The following PIGZ variants were observed in gnomAD, a reference collection of about 807,000 sequenced individuals.
The protein encoded by PIGZ is GPI alpha-1,2-mannosyltransferase 4.
In PIGZ, 16 loss-of-function variants were observed where a neutral mutation model predicts 16.4. That is an observed-to-expected ratio of 0.97 (90% CI 0.66 to 1.48). The LOEUF (loss-of-function observed/expected upper bound fraction) is 1.48, where lower values mean the gene tolerates loss of function less well. Ranked by LOEUF, PIGZ falls within the 40% of genes most tolerant of loss-of-function variation. The pLI is 0.00. For missense variants in PIGZ, 770 were observed against 739.2 expected (o/e 1.04, Z -0.48); for synonymous variants, 409 against 338.4 (o/e 1.21, Z -2.29).
At chr3:196,954,358 T>A (rs1439878538) in intron 1 of PIGZ, among the ~76,000 whole-genome samples, 2 of 152,218 alleles carry the variant, frequency 1.3e-5, no homozygotes, top group African/African-American at 4.8e-5. Flanking sequence ...CTATCAAACA[T>A]TAGAAATTAA....
chr3:196,947,943 C>T lies in PIGZ; in HGVS notation c.954G>A (p.Leu318=). 6.2e-7 allele frequency: 1 copy of T among 1,613,538 alleles called. No individual in the cohort carries two copies. The highest frequency in any genetic ancestry group is 2.2e-5 in the East Asian group (1 of 44,874). ...CGAAGAGCAGGAAGCCGTTGACTGCCAGGTGAGTGAGCCGCGCGTGCGTGC... is the reference window on the plus strand; with the variant it reads ...CGAAGAGCAGGAAGCCGTTGACTGCTAGGTGAGTGAGCCGCGCGTGCGTGC... ...RHGTHARLTH[L]AVNGFLLFGV... is the part of the protein sequence containing the mutation. The change falls in exon 3 of 3, where the codon CTG becomes CTA. Residue 318 remains leucine, a synonymous_variant. Transcript: ENST00000412723.
chr3:196,950,985 A>G (rs1717258132), intron 2 of PIGZ, among the ~76,000 whole-genome samples: 1 of 152,164 alleles, frequency 6.6e-6, no homozygotes, highest in Admixed American at 6.5e-5. Flanking sequence ...ACCTCAGGTG[A>G]TCCACCTGCC....
At chr3:196,968,571 G>C (rs1718034139) in intron 1 of PIGZ, 116 bp downstream of exon 1, 1 of 152,330 alleles carries the variant, frequency 6.6e-6, no homozygotes, top group Non-Finnish European at 1.5e-5. Flanking sequence ...CTCCTCCCTA[G>C]AGGCTGGGCC....
chr3:196,947,126 A>T lies in PIGZ; in HGVS notation c.*31T>A, dbSNP rs376080284. On this transcript the variant is annotated 3_prime_UTR_variant, in exon 3 of 3. Transcript: ENST00000412723. Reference sequence around the variant, plus strand: ...GGTGGGGCGGCATCTTCTATGGCTGAGTCTTGGGCAGTGGGTGCTCTGTCA... The same window carrying T: ...GGTGGGGCGGCATCTTCTATGGCTGTGTCTTGGGCAGTGGGTGCTCTGTCA... 1,738 of 1,511,746 alleles carry T rather than the reference A, an allele frequency of 1.1e-3. 2 individuals carry two copies. Among genetic ancestry groups the T allele is most frequent in the Admixed American group, 2.9e-3 (130 of 45,534 alleles). 93.6% of individuals were successfully genotyped at this position (1,511,746 alleles called of 1,614,324 possible).
At position 196,947,906 on chromosome 3, in the gene PIGZ, C is replaced by G. The variant is rs868458268; in HGVS notation, c.991G>C (p.Ala331Pro). The G allele has an allele frequency of 6.2e-7, 1 of 1,614,010 alleles. No homozygotes were observed. The highest frequency in any genetic ancestry group is 1.3e-5 in the African/African-American group (1 of 75,062). Reference sequence around the variant, plus strand: ...TGCCACGCAGCCTGCAGGGCCTGGGCATGCAGCACCCCGAAGAGCAGGAAG... The same window carrying G: ...TGCCACGCAGCCTGCAGGGCCTGGGGATGCAGCACCCCGAAGAGCAGGAAG... ...NGFLLFGVLH[A>P]QALQAAWQRL... Residue 331 changes from alanine (A) to proline (P), a missense_variant, in exon 3 of 3, where the codon GCC becomes CCC. Ala to Pro is a conservative substitution (Grantham distance 27). Transcript: ENST00000412723.
intron 1 of PIGZ, among the ~76,000 whole-genome samples, chr3:196,958,719 G>T (rs1001212124): frequency 1.3e-5 from 2 of 152,184 alleles, no homozygotes; most frequent in African/African-American, 4.8e-5. Flanking sequence ...GATTATATTT[G>T]TTTATTCTTA....
In PIGZ at chr3:196,947,396, T is replaced by A. The variant is rs1716938302; in HGVS notation, c.1501A>T (p.Ser501Cys). 7.4e-6 allele frequency: 12 copies of A among 1,613,970 alleles called. No individual in the cohort carries two copies. Among genetic ancestry groups the A allele is most frequent in the Non-Finnish European group, 1.0e-5 (12 of 1,180,026 alleles). The change falls in exon 3 of 3, where the codon AGC becomes TGC. Residue 501 changes from serine (S) to cysteine (C), a missense_variant. Ser to Cys is a moderately radical substitution (Grantham distance 112). Coordinates refer to ENST00000412723, the MANE Select transcript of PIGZ (RefSeq NM_025163.4). ...EDWALCQTLK[S>C]FTRQPACQVA... ...TGGCAGGCTGGTTGTCTGGTGAAGC[T>A]TTTCAGGGTTTGGCACAGGGCCCAG...
chr3:196,960,524 T>C (rs987871140), intron 1 of PIGZ, among the ~76,000 whole-genome samples: 1 of 151,826 alleles, frequency 6.6e-6, no homozygotes, highest in Non-Finnish European at 1.5e-5. Flanking sequence ...TGACAAAAAT[T>C]AGCTGGGCGT....
chr3:196,952,110 C>A, intron 1 of PIGZ, 79 bp from the exon 2 acceptor site: 1 of 1,299,844 alleles, frequency 7.7e-7, no homozygotes, highest in Non-Finnish European at 1.1e-6. Context: ...GAAAATGGAT[C>A]TGTCATTTAA....
chr3:196,959,185 C>A (rs1038180918), intron 1 of PIGZ, among the ~76,000 whole-genome samples: 6 of 152,208 alleles, frequency 3.9e-5, no homozygotes, highest in Admixed American at 3.9e-4. Flanking sequence ...TGTCCTCTAT[C>A]TCACCCTCGC....
At position 196,946,898 on chromosome 3, in the gene PIGZ, C is replaced by A; in HGVS notation, c.*259G>T. ...GTGGCTGGAAGCAACAGGGCAGGAA[C>A]AGACAGGTGTCGTCACTTAACCTGG... On this transcript the variant is annotated 3_prime_UTR_variant, in exon 3 of 3. Transcript: ENST00000412723. 2.3e-6 allele frequency: 1 copy of A among 426,894 alleles called. No homozygotes were observed. Among genetic ancestry groups the A allele is most frequent in the Non-Finnish European group, 4.2e-6 (1 of 240,296 alleles). The allele number at this position is 426,894 out of a possible 1,614,324, so 26.4% of individuals were successfully genotyped here.
intron 1 of PIGZ, among the ~76,000 whole-genome samples, chr3:196,962,650 TGA>T (rs1717765726): frequency 4.3e-5 from 5 of 117,484 alleles, no homozygotes; most frequent in African/African-American, 1.9e-4. Context: ...GTGGCAATAC[TGA>T]TCTTTACTGC....
At chr3:196,966,395 C>A (rs1464256167) in intron 1 of PIGZ, among the ~76,000 whole-genome samples, 1 of 152,224 alleles carries the variant, frequency 6.6e-6, no homozygotes, top group Non-Finnish European at 1.5e-5. Flanking sequence ...GCTTAACTGC[C>A]CTAACCCCCA....
Position 196,947,496 on chromosome 3 carries a change from CA to C in PIGZ, c.1400del (p.Met467SerfsTer33). On this transcript the variant is annotated frameshift_variant, in exon 3 of 3. Transcript: ENST00000412723. LOFTEE classifies it high-confidence loss of function. Reference protein sequence around the residue: ...HYTLLFTHTYMPPRHLLHLPG... With the variant: ...HYTLLFTHTYXPPRHLLHLPG... ...GGAGGTGTAGGAGGTGCCGGGGGGG[CA>C]TGTAGGTGTGAGTGAAGAGGAGTGT... 1.2e-6 allele frequency: 2 copies of C among 1,613,608 alleles called. No homozygotes were observed. Among genetic ancestry groups the C allele is most frequent in the Non-Finnish European group, 1.7e-6 (2 of 1,179,980 alleles).
chr3:196,962,079 C>T (rs1388854688), intron 1 of PIGZ, among the ~76,000 whole-genome samples: 1 of 152,112 alleles, frequency 6.6e-6, no homozygotes, highest in Non-Finnish European at 1.5e-5. Flanking sequence ...GTTACTGTGT[C>T]TATGTAGAAA....
At chr3:196,968,166 C>T (rs894845782) in intron 1 of PIGZ, among the ~76,000 whole-genome samples, 4 of 152,228 alleles carry the variant, frequency 2.6e-5, no homozygotes, top group Non-Finnish European at 5.9e-5. Flanking sequence ...AGGCCATCCT[C>T]TTATCCTGGG....
At chr3:196,966,782 A>C (rs1717946207) in intron 1 of PIGZ, among the ~76,000 whole-genome samples, 1 of 152,048 alleles carries the variant, frequency 6.6e-6, no homozygotes, top group Non-Finnish European at 1.5e-5. Flanking sequence ...ACCCACCTTA[A>C]CCTAATCAGG....
intron 1 of PIGZ, among the ~76,000 whole-genome samples, chr3:196,958,878 C>T (rs1717603020): frequency 2.0e-5 from 3 of 152,014 alleles, no homozygotes; most frequent in Non-Finnish European, 4.4e-5. Flanking sequence ...TCAGCGGATC[C>T]TTCTGGTCAT....
intron 1 of PIGZ, among the ~76,000 whole-genome samples, chr3:196,959,553 ATC>A (rs745811282): frequency 2.0e-5 from 3 of 152,012 alleles, no homozygotes; most frequent in Non-Finnish European, 4.4e-5. Flanking sequence ...AAACACGTTC[ATC>A]TCTCTACCAT....
Sources: allele counts gnomAD v4.1 joint callset (sites outside exome capture counted in the v4.1 genomes callset), GRCh38; gene constraint gnomAD v4.1.1; transcripts MANE v1.5; gene names NCBI Gene and HGNC (gene_info 2026-07-23, HGNC 2026-07-21).